The following SHANK2 variants were observed in gnomAD, a reference collection of about 807,000 sequenced individuals.
SHANK2 encodes the protein SH3 and multiple ankyrin repeat domains 2.
In SHANK2, 43 loss-of-function variants were observed where a neutral mutation model predicts 133.7. The observed-to-expected ratio is 0.32, with a 90% CI of 0.25 to 0.41. The LOEUF (loss-of-function observed/expected upper bound fraction) is 0.41. SHANK2 is among the 10% of genes least tolerant of loss of function. The probability of loss-of-function intolerance (pLI) is 1.00; values close to 1 mark genes in which losing one functional copy is unlikely to be tolerated. For missense variants in SHANK2, 1,994 were observed against 2,235.8 expected (o/e 0.89, Z 2.18); for synonymous variants, 1,017 against 952.8 (o/e 1.07, Z -1.24).
intron 2 of SHANK2, among the ~76,000 whole-genome samples, chr11:71,174,098 G>A (rs996847583): frequency 3.3e-5 from 5 of 152,214 alleles, no homozygotes; most frequent in Admixed American, 6.5e-5. Flanking sequence ...AACTGCTGTC[G>A]ATGTATTTCT....
At chr11:70,818,012 G>C (rs1435533091) in intron 12 of SHANK2, among the ~76,000 whole-genome samples, 1 of 152,220 alleles carries the variant, frequency 6.6e-6, no homozygotes, top group Non-Finnish European at 1.5e-5. Context: ...TAGGATTACA[G>C]GTGTGAGCTA....
intron 14 of SHANK2, among the ~76,000 whole-genome samples, chr11:70,699,397 G>A (rs891897116): frequency 2.6e-5 from 4 of 151,862 alleles, no homozygotes; most frequent in Non-Finnish European, 4.4e-5. Flanking sequence ...GTGCTGGAGG[G>A]AGAAAAAAAA....
At chr11:70,558,585 G>C (rs1309580224) in intron 17 of SHANK2, among the ~76,000 whole-genome samples, 4 of 152,236 alleles carry the variant, frequency 2.6e-5, no homozygotes, top group African/African-American at 9.6e-5. Context: ...ACAGAGGCAA[G>C]ATCAGTGCTC....
At chr11:70,686,848 T>A (rs1337651282) in intron 15 of SHANK2, among the ~76,000 whole-genome samples, 1 of 152,188 alleles carries the variant, frequency 6.6e-6, no homozygotes, top group Non-Finnish European at 1.5e-5. Flanking sequence ...AACCTGCTGC[T>A]TCCCAGGCAC....
intron 1 of SHANK2, among the ~76,000 whole-genome samples, chr11:71,242,476 C>T (rs375691334): frequency 3.9e-5 from 6 of 152,030 alleles, no homozygotes; most frequent in Non-Finnish European, 8.8e-5. Flanking sequence ...TATCACACAC[C>T]GCTTCCTTTA....
Position 70,832,597 on chromosome 11 carries a change from G to A in SHANK2, c.1175-11915C>T, listed in dbSNP as rs188046109. Among the ~76,000 whole-genome samples the A allele has an allele frequency of 2.7e-3, 418 of 152,328 alleles. 1 individual carries two copies. The highest frequency in any genetic ancestry group is 9.4e-3 in the African/African-American group (390 of 41,572). On this transcript the variant is annotated intron_variant, in intron 11 of 25. Transcript: ENST00000601538. ...AATGGAGTGAATTAACAGAGGGGGT[G>A]AGTCCTAGCTTTTTTTCTGAGTGTT... is the stretch of plus-strand genomic sequence containing the variant.
chr11:71,113,013 C>T (rs880000933), intron 5 of SHANK2, among the ~76,000 whole-genome samples: 3 of 152,216 alleles, frequency 2.0e-5, no homozygotes, highest in Non-Finnish European at 2.9e-5. Flanking sequence ...CCACTCTCTT[C>T]AGAGATGCCG....
intron 14 of SHANK2, among the ~76,000 whole-genome samples, chr11:70,767,794 G>T (rs1444987657): frequency 1.3e-5 from 2 of 152,140 alleles, no homozygotes; most frequent in African/African-American, 2.4e-5. Context: ...AACTCCAGGA[G>T]TATCTAAATG....
intron 9 of SHANK2, among the ~76,000 whole-genome samples, chr11:71,066,582 C>T (rs1459810304): frequency 2.0e-5 from 3 of 152,252 alleles, no homozygotes; most frequent in South Asian, 2.1e-4. Flanking sequence ...CTCCAGGCCC[C>T]GTCAAGCCAT....
chr11:70,524,994 C>A (rs1043562689), intron 17 of SHANK2, among the ~76,000 whole-genome samples: 1 of 152,232 alleles, frequency 6.6e-6, no homozygotes, highest in African/African-American at 2.4e-5. Context: ...CCTCTGCAAG[C>A]CTGCCCGCTT....
At chr11:70,512,646 A>C (rs2059218576) in intron 17 of SHANK2, among the ~76,000 whole-genome samples, 1 of 152,332 alleles carries the variant, frequency 6.6e-6, no homozygotes, top group East Asian at 1.9e-4. Flanking sequence ...GTCTTCCTGA[A>C]GAAATATTTC....
chr11:71,134,567 G>A (rs1413463101), intron 3 of SHANK2, among the ~76,000 whole-genome samples: 2 of 151,600 alleles, frequency 1.3e-5, no homozygotes, highest in Non-Finnish European at 2.9e-5. Flanking sequence ...AGCCTCCTGA[G>A]TAGCTGGGAT....
chr11:71,169,568 T>G (rs1262878000), intron 2 of SHANK2, among the ~76,000 whole-genome samples: 1 of 151,990 alleles, frequency 6.6e-6, no homozygotes, highest in Non-Finnish European at 1.5e-5. Flanking sequence ...CTGGCCAACA[T>G]GGTGAAACCC....
intron 17 of SHANK2, among the ~76,000 whole-genome samples, chr11:70,646,820 TTTTATTTATTTTATTTA>T (rs781957809): frequency 0.22 from 30,573 of 140,086 alleles, 3,314 homozygotes; most frequent in Non-Finnish European, 0.25. Flanking sequence ...GGAATCTAAC[TTTTATTTATTTTATTTA>T]TTTATTTATT....
rs1040763140 is a variant in SHANK2, at chr11:71,074,223, G to A, written c.1029+936C>T. ...CCAGGGTCAGGGCTGGCTGGGGTGC[G>A]TGCCACTGCAGCGTGTGAGAAACAA... On this transcript the variant is annotated intron_variant, in intron 9 of 25. Transcript: ENST00000601538. 2.9e-3 allele frequency among the ~76,000 whole-genome samples: 442 copies of A among 152,330 alleles called. 4 individuals carry two copies. The highest frequency in any genetic ancestry group is 9.0e-3 in the African/African-American group (374 of 41,576).
intron 11 of SHANK2, among the ~76,000 whole-genome samples, chr11:70,869,864 G>A (rs1460025283): frequency 1.3e-5 from 2 of 152,070 alleles, no homozygotes; most frequent in East Asian, 3.9e-4. Flanking sequence ...GTCAGTGCAG[G>A]GACCTCACCA....
chr11:71,169,406 A>G (rs1953260562), intron 2 of SHANK2, among the ~76,000 whole-genome samples: 1 of 152,210 alleles, frequency 6.6e-6, no homozygotes, highest in Admixed American at 6.5e-5. Flanking sequence ...ACAATATAAA[A>G]CAATTCATGT....
At chr11:70,548,759 C>T (rs1372145146) in intron 17 of SHANK2, among the ~76,000 whole-genome samples, 3 of 152,158 alleles carry the variant, frequency 2.0e-5, no homozygotes, top group African/African-American at 7.2e-5. Context: ...TAAACAGGGT[C>T]TTTGTAGATG....
At chr11:70,928,550 G>C (rs1950460038) in intron 10 of SHANK2, among the ~76,000 whole-genome samples, 1 of 152,176 alleles carries the variant, frequency 6.6e-6, no homozygotes, top group Admixed American at 6.5e-5. Flanking sequence ...CAGGGCCTCA[G>C]AATGGAGGAA....
Sources: allele counts gnomAD v4.1 joint callset (sites outside exome capture counted in the v4.1 genomes callset), GRCh38; gene constraint gnomAD v4.1.1; transcripts MANE v1.5; gene names NCBI Gene and HGNC (gene_info 2026-07-23, HGNC 2026-07-21).